Variants in TMC1 observed in about 807,000 individuals in gnomAD.
TMC1 encodes transmembrane channel like 1.
In TMC1, 84 loss-of-function variants were observed where a neutral mutation model predicts 105.8. The ratio of observed to expected loss-of-function variants is 0.79; its 90% CI spans 0.67 to 0.95. The LOEUF is 0.95. Ranked by LOEUF, TMC1 falls within the 40% of genes least tolerant of loss-of-function variation. The probability of loss-of-function intolerance (pLI) is 0.00; values close to 1 mark genes in which losing one functional copy is unlikely to be tolerated. For synonymous variants in TMC1, 315 were observed against 311.5 expected (o/e 1.01, Z -0.12); for missense variants, 817 against 914.1 (o/e 0.89, Z 1.37).
In TMC1 at chr9:72,729,023, T is replaced by A. The variant is rs571085115; in HGVS notation, c.363-11096T>A. ...CTTTATTTGACATTTAAGCCAGCCA[T>A]GAAAATTAGCATTGGTTTAGAGCTC... On this transcript the variant is annotated intron_variant, in intron 8 of 23. Coordinates refer to ENST00000297784, the MANE Select transcript of TMC1 (RefSeq NM_138691.3). Among the ~76,000 whole-genome samples the A allele has an allele frequency of 5.3e-5, 8 of 152,206 alleles. No homozygotes were observed. The East Asian group carries it at 1.5e-3, about 29-fold the overall frequency.
intron 4 of TMC1, among the ~76,000 whole-genome samples, chr9:72,643,316 T>G (rs1376780566): frequency 6.6e-6 from 1 of 152,142 alleles, no homozygotes; most frequent in Non-Finnish European, 1.5e-5. Context: ...TCATATACAT[T>G]CACATGGAGA....
At chr9:72,568,522 G>A (rs1008328246) in intron 1 of TMC1, among the ~76,000 whole-genome samples, 8 of 152,128 alleles carry the variant, frequency 5.3e-5, no homozygotes, top group Non-Finnish European at 7.4e-5. Context: ...GCTAGGCACC[G>A]CAGCTACAAA....
intron 18 of TMC1, among the ~76,000 whole-genome samples, chr9:72,807,012 G>A (rs1042919717): frequency 2.6e-5 from 4 of 152,226 alleles, no homozygotes; most frequent in African/African-American, 7.2e-5. Flanking sequence ...CTGCAATCCC[G>A]GCACCTCGGG....
chr9:72,558,445 C>G (rs927602030), intron 1 of TMC1, among the ~76,000 whole-genome samples: 3 of 152,082 alleles, frequency 2.0e-5, no homozygotes, highest in African/African-American at 7.2e-5. Context: ...AAATTCTGAC[C>G]TGAATTATCT....
chr9:72,579,276 G>A (rs1317154907), intron 2 of TMC1, among the ~76,000 whole-genome samples: 1 of 152,104 alleles, frequency 6.6e-6, no homozygotes, highest in Non-Finnish European at 1.5e-5. Flanking sequence ...TACTGCTCAT[G>A]AGTTTAAAAC....
rs1006072784 is a variant in TMC1 at position 72,836,739 on chromosome 9, C to G, written c.*766C>G. 3.2e-4 allele frequency: 49 copies of G among 152,154 alleles called. No individual in the cohort carries two copies. The highest frequency in any genetic ancestry group is 1.2e-3 in the African/African-American group (49 of 41,482). 9.4% of individuals were successfully genotyped at this position (152,154 alleles called of 1,614,324 possible). On this transcript the variant is annotated 3_prime_UTR_variant, in exon 24 of 24. Transcript: ENST00000297784. ...AGACATCATAAATGACTGTTGTTCT[C>G]TCACAGTCTGCTCATTTGTCTTCCA...
intron 3 of TMC1, among the ~76,000 whole-genome samples, chr9:72,621,854 C>T (rs1825256164): frequency 6.6e-6 from 1 of 152,056 alleles, no homozygotes; most frequent in Non-Finnish European, 1.5e-5. Flanking sequence ...AATAGTTTGT[C>T]TTGTTAATTC....
intron 12 of TMC1, among the ~76,000 whole-genome samples, chr9:72,760,176 G>T (rs537556286): frequency 3.9e-5 from 6 of 152,120 alleles, no homozygotes; most frequent in African/African-American, 1.4e-4. Context: ...GGTTAGCAAA[G>T]TTCTATCTTT....
At chr9:72,632,604 AAAAC>A (rs967447667) in intron 4 of TMC1, among the ~76,000 whole-genome samples, 7 of 152,232 alleles carry the variant, frequency 4.6e-5, no homozygotes, top group Admixed American at 3.3e-4. Context: ...CCACAAAGAT[AAAAC>A]AAACAGAGCA....
At chr9:72,660,534 T>C (rs1314997864) in intron 5 of TMC1, among the ~76,000 whole-genome samples, 3 of 152,246 alleles carry the variant, frequency 2.0e-5, no homozygotes, top group Non-Finnish European at 4.4e-5. Context: ...ACAAAAATTT[T>C]TTCAGAGCAT....
At chr9:72,591,317 TTCTAA>T (rs755574267) in intron 2 of TMC1, among the ~76,000 whole-genome samples, 3 of 152,212 alleles carry the variant, frequency 2.0e-5, no homozygotes, top group Non-Finnish European at 4.4e-5. Context: ...CAGAGGAAAC[TTCTAA>T]ACAATATCAA....
At chr9:72,792,742 A>G (rs535595315) in intron 17 of TMC1, among the ~76,000 whole-genome samples, 1 of 152,326 alleles carries the variant, frequency 6.6e-6, no homozygotes, top group East Asian at 1.9e-4. Flanking sequence ...CAAACAAACA[A>G]AAACAGAGTC....
Position 72,807,956 on chromosome 9 carries a change from T to G in TMC1, c.1695+2446T>G, listed in dbSNP as rs1828632425. Among the ~76,000 whole-genome samples the G allele has an allele frequency of 3.9e-5, 6 of 152,198 alleles. 1 individual carries two copies. The highest frequency in any genetic ancestry group is 3.9e-4 in the Admixed American group (6 of 15,284). ...CATCCTCAGGTCCCCCAACAAAGTC[T>G]GAGGGCAACAGCACACTCATCACCC... is the stretch of plus-strand genomic sequence containing the variant. On this transcript the variant is annotated intron_variant, in intron 18 of 23. Coordinates refer to ENST00000297784, the MANE Select transcript of TMC1 (RefSeq NM_138691.3).
At chr9:72,681,204 G>A (rs540573505) in intron 5 of TMC1, among the ~76,000 whole-genome samples, 1 of 152,124 alleles carries the variant, frequency 6.6e-6, no homozygotes, top group Non-Finnish European at 1.5e-5. Flanking sequence ...GCCCTTTATG[G>A]TGGTAATTGC....
At chr9:72,593,386 C>T (rs1304460225) in intron 2 of TMC1, among the ~76,000 whole-genome samples, 2 of 151,618 alleles carry the variant, frequency 1.3e-5, no homozygotes, top group African/African-American at 4.8e-5. Context: ...TTTTTCTTTT[C>T]TTTTCTTTTC....
chr9:72,645,732 G>A (rs1825700632), intron 4 of TMC1, among the ~76,000 whole-genome samples: 2 of 152,086 alleles, frequency 1.3e-5, no homozygotes, highest in South Asian at 4.2e-4. Context: ...AATTTCAATG[G>A]GAAATCATTA....
At chr9:72,583,563 G>A (rs1564425997) in intron 2 of TMC1, among the ~76,000 whole-genome samples, 1 of 152,220 alleles carries the variant, frequency 6.6e-6, no homozygotes, top group Non-Finnish European at 1.5e-5. Flanking sequence ...TTATACAAGA[G>A]CTTTTGTTTC....
intron 12 of TMC1, among the ~76,000 whole-genome samples, chr9:72,770,305 T>G (rs1417695722): frequency 1.3e-5 from 2 of 148,468 alleles, no homozygotes; most frequent in African/African-American, 4.9e-5. Context: ...TATATAAAAT[T>G]TATTATATCA....
In TMC1 at chr9:72,826,856, T is replaced by G; in HGVS notation, c.2004-13T>G. On this transcript the variant is annotated splice_polypyrimidine_tract_variant and intron_variant, in intron 20 of 23. Transcript: ENST00000297784. ...TCTTAATAAACTTATCTCCCCCTTT[T>G]TAATTCCCCCAGTGGCAAAAATAGA... 1 of 1,613,826 alleles carries G rather than the reference T, an allele frequency of 6.2e-7. No individual in the cohort carries two copies.
Sources: gnomAD v4.1 joint callset for allele counts (sites outside exome capture counted in the v4.1 genomes callset) on GRCh38, gnomAD v4.1.1 for gene constraint, MANE v1.5 for transcripts, NCBI Gene and HGNC (gene_info 2026-07-23, HGNC 2026-07-21) for gene names.